GOLPH3: variants seen among roughly 807,000 people sequenced by gnomAD.
The protein encoded by GOLPH3 is coat protein GPP34.
Under a neutral mutation model 28.5 loss-of-function variants are expected in GOLPH3, and 14 were observed. The observed-to-expected ratio is 0.49, with a 90% CI of 0.32 to 0.77. The LOEUF (loss-of-function observed/expected upper bound fraction) is 0.77, where lower values mean the gene tolerates loss of function less well. Among genes scored for constraint, GOLPH3 ranks in the 30% least tolerant of loss-of-function variants. The pLI is 0.03. For missense variants in GOLPH3, 350 were observed against 393.7 expected (o/e 0.89, Z 0.94); for synonymous variants, 158 against 159.2 (o/e 0.99, Z 0.06).
intron 3 of GOLPH3, among the ~76,000 whole-genome samples, chr5:32,135,342 A>G (rs1561659912): frequency 6.6e-6 from 1 of 152,230 alleles, no homozygotes; most frequent in Admixed American, 6.5e-5. Flanking sequence ...GATAAAGAAC[A>G]TGGGAGCTCT....
At position 32,167,497 on chromosome 5, in the gene GOLPH3, T is replaced by G. The variant is rs143995505; in HGVS notation, c.225+6313A>C. ...TTCAAAATACAATTCTAAAACGTAATTCAAATGCTCCATACAAGAACTCTC... is the reference window on the plus strand; with the variant it reads ...TTCAAAATACAATTCTAAAACGTAAGTCAAATGCTCCATACAAGAACTCTC... On this transcript the variant is annotated intron_variant, in intron 1 of 3. Coordinates refer to ENST00000265070, the MANE Select transcript of GOLPH3 (RefSeq NM_022130.4). Among the ~76,000 whole-genome samples the G allele has an allele frequency of 1.9e-3, 283 of 152,124 alleles. 1 individual carries two copies. The highest frequency in any genetic ancestry group is 6.5e-3 in the African/African-American group (272 of 41,528).
chr5:32,144,706 T>C (rs1164641715), intron 1 of GOLPH3, among the ~76,000 whole-genome samples: 1 of 152,130 alleles, frequency 6.6e-6, no homozygotes, highest in African/African-American at 2.4e-5. Flanking sequence ...AACAATCAGA[T>C]TGGCCCCAAG....
chr5:32,140,803 A>C (rs77551802), intron 2 of GOLPH3, among the ~76,000 whole-genome samples: 59 of 128,704 alleles, frequency 4.6e-4, no homozygotes, highest in African/African-American at 1.8e-3. Context: ...CTCTGTCTCC[A>C]AAAAAAAAAA....
At chr5:32,134,963 T>A (rs2111842485) in intron 3 of GOLPH3, 1 of 152,392 alleles carries the variant, frequency 6.6e-6, no homozygotes, top group Admixed American at 6.5e-5. Flanking sequence ...GTCACAGTCC[T>A]CCATGCTATC....
intron 3 of GOLPH3, among the ~76,000 whole-genome samples, chr5:32,128,111 G>T (rs1030968309): frequency 8.5e-5 from 13 of 152,188 alleles, no homozygotes; most frequent in African/African-American, 3.1e-4. Context: ...GGTGTTCCTT[G>T]AGTCTTGGGC....
At chr5:32,173,572 G>C (rs988047395) in intron 1 of GOLPH3, among the ~76,000 whole-genome samples, 1 of 152,150 alleles carries the variant, frequency 6.6e-6, no homozygotes. Context: ...ACTGTGAAAG[G>C]GGTAAGGAAA....
intron 3 of GOLPH3, among the ~76,000 whole-genome samples, chr5:32,129,232 G>A (rs146524328): frequency 2.0e-5 from 3 of 151,966 alleles, no homozygotes; most frequent in Admixed American, 1.3e-4. Context: ...AAACCCTAGT[G>A]TCCTAGTGCA....
At chr5:32,167,681 T>G (rs1746746868) in intron 1 of GOLPH3, among the ~76,000 whole-genome samples, 1 of 151,932 alleles carries the variant, frequency 6.6e-6, no homozygotes, top group Admixed American at 6.6e-5. Flanking sequence ...CCAGGCGTGG[T>G]GGCTCACACC....
At chr5:32,148,985 G>GA (rs1410262729) in intron 1 of GOLPH3, among the ~76,000 whole-genome samples, 2 of 151,764 alleles carry the variant, frequency 1.3e-5, no homozygotes, top group Non-Finnish European at 2.9e-5. Context: ...CAAAAAAAAA[G>GA]AAAAAAAGAA....
At chr5:32,149,849 TAGCC>T (rs975645897) in intron 1 of GOLPH3, among the ~76,000 whole-genome samples, 3 of 151,920 alleles carry the variant, frequency 2.0e-5, no homozygotes, top group Non-Finnish European at 4.4e-5. Flanking sequence ...ATACAAAAAT[TAGCC>T]AGGTGTGGTG....
Position 32,143,888 on chromosome 5 carries a change from A to G in GOLPH3, c.226-8T>C, listed in dbSNP as rs772381282. The G allele has an allele frequency of 6.7e-7, 1 of 1,500,422 alleles. No homozygotes were observed. Among genetic ancestry groups the G allele is most frequent in the Non-Finnish European group, 8.9e-7 (1 of 1,127,506 alleles). The allele number at this position is 1,500,422 out of a possible 1,614,324, so 92.9% of individuals were successfully genotyped here. ...CCAAAATGATGTGTAACCCTATTAA[A>G]AAAAGAAGAAGAAATAAAACAAAAT... On this transcript the variant is annotated splice_region_variant and splice_polypyrimidine_tract_variant and intron_variant, in intron 1 of 3. Transcript: ENST00000265070.
intron 1 of GOLPH3, among the ~76,000 whole-genome samples, chr5:32,155,339 G>A (rs1402315207): frequency 7.9e-5 from 12 of 152,038 alleles, no homozygotes; most frequent in Non-Finnish European, 1.8e-4. Flanking sequence ...GCAGGCACCA[G>A]CACACTCGGC....
chr5:32,141,561 T>C (rs1222226422), intron 2 of GOLPH3, among the ~76,000 whole-genome samples: 1 of 143,344 alleles, frequency 7.0e-6, no homozygotes, highest in East Asian at 2.1e-4. Flanking sequence ...TTATGGCTTT[T>C]AAAAGCTGCA....
chr5:32,155,954 CTCAAAAAA>C (rs1746411942), intron 1 of GOLPH3, among the ~76,000 whole-genome samples: 2 of 35,060 alleles, frequency 5.7e-5, no homozygotes, highest in African/African-American at 1.2e-4. Flanking sequence ...GAAACACTGT[CTCAAAAAA>C]AAAAAAAAAA....
intron 1 of GOLPH3, among the ~76,000 whole-genome samples, chr5:32,164,456 C>G (rs980300845): frequency 3.3e-5 from 5 of 150,368 alleles, no homozygotes; most frequent in Non-Finnish European, 5.9e-5. Flanking sequence ...TGCAGTGGCG[C>G]GATATGGGCT....
At chr5:32,157,639 A>G (rs540227393) in intron 1 of GOLPH3, among the ~76,000 whole-genome samples, 13 of 152,150 alleles carry the variant, frequency 8.5e-5, no homozygotes, top group Non-Finnish European at 1.5e-4. Flanking sequence ...AAATATTGAA[A>G]TCTCAGTATA....
chr5:32,143,845 A>C lies in GOLPH3; in HGVS notation c.261T>G (p.Ser87=), dbSNP rs780885995. The change falls in exon 2 of 4, where the codon TCT becomes TCG. Residue 87 remains serine (S), a synonymous_variant. Coordinates refer to ENST00000265070, the MANE Select transcript of GOLPH3 (RefSeq NM_022130.4). The part of the protein sequence containing the change: ...YTSFWNDCIS[S]GLRGCMLIEL... ...CAATTAACATACAGCCACGTAATCCAGATGATATACAGTCATTCCAAAATG... is the reference window on the plus strand; with the variant it reads ...CAATTAACATACAGCCACGTAATCCCGATGATATACAGTCATTCCAAAATG... 6.3e-7 allele frequency: 1 copy of C among 1,596,642 alleles called. No individual in the cohort carries two copies. The highest frequency in any genetic ancestry group is 8.5e-7 in the Non-Finnish European group (1 of 1,172,034).
At chr5:32,172,699 A>G (rs551057324) in intron 1 of GOLPH3, among the ~76,000 whole-genome samples, 1 of 152,058 alleles carries the variant, frequency 6.6e-6, no homozygotes, top group South Asian at 2.1e-4. Context: ...CGTCTCAAAA[A>G]CAAAACAAAA....
intron 1 of GOLPH3, among the ~76,000 whole-genome samples, chr5:32,159,571 C>T (rs59879366): frequency 0.071 from 10,861 of 152,204 alleles, 932 homozygotes; most frequent in African/African-American, 0.2. Flanking sequence ...CCCTCTCAAG[C>T]AAATGAATTT....
Sources: gnomAD v4.1 joint callset for allele counts (sites outside exome capture counted in the v4.1 genomes callset) on GRCh38, gnomAD v4.1.1 for gene constraint, MANE v1.5 for transcripts, NCBI Gene and HGNC (gene_info 2026-07-23, HGNC 2026-07-21) for gene names.